Variants in LFNG observed in about 807,000 individuals in gnomAD.
LFNG encodes LFNG O-fucosylpeptide 3-beta-N-acetylglucosaminyltransferase.
Under a neutral mutation model 32.7 loss-of-function variants are expected in LFNG, and 15 were observed. The observed-to-expected ratio is 0.46, with a 90% confidence interval of 0.31 to 0.71. LFNG has a LOEUF of 0.71. Among genes scored for constraint, LFNG ranks in the 30% least tolerant of loss-of-function variants. The probability of loss-of-function intolerance (pLI) is 0.06; values close to 1 mark genes in which losing one functional copy is unlikely to be tolerated. For missense variants in LFNG, 520 were observed against 545.7 expected, an observed-to-expected ratio of 0.95 and a Z score of 0.47; for synonymous variants, 274 against 246.8, an observed-to-expected ratio of 1.11 and a Z score of -1.03.
chr7:2,519,077 A>G (rs995983539), upstream of LFNG, among the ~76,000 whole-genome samples: 7 of 152,174 alleles, frequency 4.6e-5, no homozygotes, highest in Non-Finnish European at 8.8e-5. Context: ...TCTCCTCGCC[A>G]TGGGGCGCCT....
chr7:2,519,429 C>T (rs996699354), upstream of LFNG, among the ~76,000 whole-genome samples: 3 of 152,122 alleles, frequency 2.0e-5, no homozygotes, highest in East Asian at 5.8e-4. Context: ...GCCGAGGGCG[C>T]GCCCCTCCCG....
chr7:2,512,598 C>A, exon 1 of LFNG: 1 of 1,551,304 alleles, frequency 6.4e-7, no homozygotes, highest in Non-Finnish European at 8.9e-7. Flanking sequence ...AAGGCGGCTC[C>A]TGGCCACCCT....
intron 1 of LFNG, among the ~76,000 whole-genome samples, chr7:2,522,337 A>G (rs756979651): frequency 6.6e-6 from 1 of 152,194 alleles, no homozygotes; most frequent in Non-Finnish European, 1.5e-5. Flanking sequence ...ACTTCTAGCA[A>G]CTGGAGTGGT....
At chr7:2,525,071 C>T (rs904271934) in intron 2 of LFNG, 148 bp from the exon 3 acceptor site, 19 of 750,464 alleles carry the variant, frequency 2.5e-5, no homozygotes, top group African/African-American at 1.4e-4. Context: ...GCCCAAGCCC[C>T]GAGCTAGGGT....
upstream of LFNG, chr7:2,517,665 G>C (rs1473071642): frequency 2.0e-5 from 9 of 456,986 alleles, 1 homozygote; most frequent in South Asian, 1.1e-4. Context: ...TGGGGTGCAG[G>C]GTGGCATGGC....
upstream of LFNG, chr7:2,513,006 G>T: frequency 1.4e-6 from 1 of 740,310 alleles, no homozygotes; most frequent in Non-Finnish European, 2.2e-6. Context: ...CAGGGCAAAT[G>T]TCACCATCTT....
upstream of LFNG, among the ~76,000 whole-genome samples, chr7:2,515,774 G>A (rs556504829): frequency 1.7e-4 from 26 of 152,378 alleles, no homozygotes; most frequent in African/African-American, 5.8e-4. Context: ...CACAGTGGGC[G>A]AGGGGTCTGG....
In LFNG at chr7:2,521,792, C is replaced by T. The variant is rs933495791; in HGVS notation, c.432+1499C>T. On this transcript the variant is annotated intron_variant, in intron 1 of 7. Transcript: ENST00000222725. ...CAAGACCTGGGGCCTCTCAGACCCT[C>T]ACTCTGATCTCTGAAATGGGGGAAC... is the stretch of plus-strand genomic sequence containing the variant. 3.2e-4 allele frequency among the ~76,000 whole-genome samples: 49 copies of T among 152,226 alleles called. 1 individual carries two copies. The highest frequency in any genetic ancestry group is 3.1e-3 in the Admixed American group (48 of 15,290).
At position 2,527,050 on chromosome 7, in the gene LFNG, T is replaced by C; in HGVS notation, c.1074-96T>C. On this transcript the variant is annotated intron_variant, in intron 7 of 7. Transcript: ENST00000222725. This position sits in a 1 kb window ranked among gnomAD's most constrained non-coding sequence, Gnocchi z 4.4. Reference sequence around the variant, plus strand: ...TAGAGGTGTCCCCCGGAGTCCTGCTTGCTCGGGGTGGGGCCGCCAGTGTTG... The same window carrying C: ...TAGAGGTGTCCCCCGGAGTCCTGCTCGCTCGGGGTGGGGCCGCCAGTGTTG... 6.9e-7 allele frequency: 1 copy of C among 1,446,608 alleles called. No homozygotes were observed. The highest frequency in any genetic ancestry group is 9.6e-7 in the Non-Finnish European group (1 of 1,037,750). The allele number at this position is 1,446,608 out of a possible 1,614,324, so 89.6% of individuals were successfully genotyped here.
Position 2,520,942 on chromosome 7 carries a change from A to G in LFNG, c.432+649A>G, listed in dbSNP as rs1428087076. ...AGCTTCTTACACACACATAATTAAG[A>G]CACACCCCACTTTGAACATTTCCCT... On this transcript the variant is annotated intron_variant, in intron 1 of 7. Transcript: ENST00000222725. This position sits in a 1 kb window ranked among gnomAD's most constrained non-coding sequence, Gnocchi z 5.0. Among the ~76,000 whole-genome samples, 1 of 152,052 alleles carries G rather than the reference A, an allele frequency of 6.6e-6. No individual in the cohort carries two copies. Among genetic ancestry groups the G allele is most frequent in the Non-Finnish European group, 1.5e-5 (1 of 68,010 alleles).
At chr7:2,528,835 A>G (rs1780074480), downstream of LFNG, 4 of 616,402 alleles carry the variant, frequency 6.5e-6, no homozygotes, top group East Asian at 3.2e-5. Flanking sequence ...CACTCCTGCC[A>G]CGAGCTCACA....
upstream of LFNG, chr7:2,513,247 AGATGGATGGATG>A (rs34637446): frequency 1.3e-5 from 21 of 1,584,326 alleles, no homozygotes; most frequent in African/African-American, 1.9e-4. Flanking sequence ...ACAGATGGAC[AGATGGATGGATG>A]GATGGATGGA....
At chr7:2,518,577 T>C, upstream of LFNG, 1 of 1,593,392 alleles carries the variant, frequency 6.3e-7, no homozygotes, top group Non-Finnish European at 8.6e-7. Context: ...GCTGCTGTCT[T>C]GCGGCTGACA....
chr7:2,526,202 C>G lies in LFNG; in HGVS notation c.822-42C>G, dbSNP rs1779966705. The G allele has an allele frequency of 6.2e-7, 1 of 1,607,422 alleles. No homozygotes were observed. The highest frequency in any genetic ancestry group is 8.5e-7 in the Non-Finnish European group (1 of 1,177,150). ...GGCCTCCCCAGCTCCCAGCAGATGG[C>G]TCCCGCCTCTGCTCACTGGTCTGGG... is the stretch of plus-strand genomic sequence containing the variant. On this transcript the variant is annotated intron_variant, in intron 5 of 7. Transcript: ENST00000222725. The surrounding 1 kb of genome is among the most constrained non-coding windows in gnomAD (Gnocchi z 6.9).
At chr7:2,514,430 C>T (rs565575972), upstream of LFNG, among the ~76,000 whole-genome samples, 1 of 152,366 alleles carries the variant, frequency 6.6e-6, no homozygotes, top group Non-Finnish European at 1.5e-5. Context: ...CATCCAGCAC[C>T]CTCCCAGCCA....
intron 1 of LFNG, 155 bp from the exon 2 acceptor site, chr7:2,524,540 A>G (rs536183395): frequency 4.1e-6 from 3 of 735,706 alleles, no homozygotes; most frequent in Non-Finnish European, 4.9e-6. Context: ...AGCCCTTCTC[A>G]GCACGAGTGG....
rs1554291257 is a variant in LFNG, at chr7:2,527,337, C to CAT, written c.*125_*126insAT. 1.3e-3 allele frequency: 1,840 copies of CAT among 1,428,364 alleles called. No individual in the cohort carries two copies. Among genetic ancestry groups the CAT allele is most frequent in the Admixed American group, 3.7e-3 (171 of 46,438 alleles). 88.5% of individuals were successfully genotyped at this position (1,428,364 alleles called of 1,614,324 possible). ...GGCCGTGCCTGTGCGTGTGCGTGTG[C>CAT]GTGTGTGTGTGTGTGTACTGCATGC... On this transcript the variant is annotated 3_prime_UTR_variant, in exon 8 of 8. Transcript: ENST00000222725. The surrounding 1 kb of genome is among the most constrained non-coding windows in gnomAD (Gnocchi z 4.4).
upstream of LFNG, chr7:2,517,819 C>T (rs1394314717): frequency 1.1e-5 from 13 of 1,189,682 alleles, no homozygotes; most frequent in Middle Eastern, 4.5e-4. Flanking sequence ...TCACGAGGTG[C>T]GTGAATATCA....
chr7:2,515,435 T>C (rs78443563), upstream of LFNG, among the ~76,000 whole-genome samples: 277 of 151,972 alleles, frequency 1.8e-3, 5 homozygotes, highest in East Asian at 0.042. Flanking sequence ...AGGATGGGGG[T>C]AGCAGAGGGG....
Sources: allele counts gnomAD v4.1 joint callset (sites outside exome capture counted in the v4.1 genomes callset), GRCh38; gene constraint gnomAD v4.1.1; non-coding constraint Gnocchi (gnomAD v3.1); transcripts MANE v1.5; gene names NCBI Gene and HGNC (gene_info 2026-07-23, HGNC 2026-07-21).